FRK: variants seen among roughly 807,000 people sequenced by gnomAD.
The protein encoded by FRK is fyn related Src family tyrosine kinase, also known as tyrosine-protein kinase FRK.
A neutral mutation model predicts 56.4 loss-of-function variants in FRK; 51 were observed. The ratio of observed to expected loss-of-function variants is 0.90; its 90% CI spans 0.72 to 1.14. FRK has a LOEUF of 1.14. Among genes scored for constraint, FRK ranks in the 50% most tolerant of loss-of-function variants. FRK has a pLI of 0.00. For missense variants in FRK, 570 were observed against 601.4 expected, an observed-to-expected ratio of 0.95 and a Z score of 0.55; for synonymous variants, 245 against 217.9, an observed-to-expected ratio of 1.12 and a Z score of -1.10.
At chr6:116,077,397 T>C in the FRK span, among the ~76,000 whole-genome samples, 2 of 152,188 alleles carry the variant, frequency 1.3e-5, no homozygotes, top group African/African-American at 4.8e-5. Flanking sequence ...GGGTTGCTTT[T>C]CCTTTCACAA....
At chr6:115,949,664 T>C (rs762693886) in intron 5 of FRK, among the ~76,000 whole-genome samples, 4 of 152,156 alleles carry the variant, frequency 2.6e-5, no homozygotes, top group Non-Finnish European at 4.4e-5. Context: ...ACTTTCTTCA[T>C]GATTCAGAAA....
At chr6:116,080,141 A>C in the FRK span, among the ~76,000 whole-genome samples, 1 of 152,128 alleles carries the variant, frequency 6.6e-6, no homozygotes, top group African/African-American at 2.4e-5. Context: ...AAATGTTTTT[A>C]AAATCTAGGT....
chr6:115,971,319 C>A (rs1348443428), intron 2 of FRK, among the ~76,000 whole-genome samples: 1 of 152,128 alleles, frequency 6.6e-6, no homozygotes, highest in African/African-American at 2.4e-5. Context: ...TTCTAGTAAG[C>A]ACTGTGAGAA....
At chr6:116,046,337 T>C (rs1246040882) in intron 1 of FRK, among the ~76,000 whole-genome samples, 1 of 152,186 alleles carries the variant, frequency 6.6e-6, no homozygotes, top group African/African-American at 2.4e-5. Context: ...CACACATATG[T>C]TTATTGCAGC....
At chr6:116,065,268 A>G (rs1347608887), upstream of FRK, among the ~76,000 whole-genome samples, 1 of 152,222 alleles carries the variant, frequency 6.6e-6, no homozygotes, top group Non-Finnish European at 1.5e-5. Context: ...AGGCCTCAGC[A>G]CTAGGGCTTA....
the FRK span, among the ~76,000 whole-genome samples, chr6:116,087,390 T>C: frequency 2.1e-4 from 32 of 152,378 alleles, no homozygotes; most frequent in African/African-American, 7.5e-4. Flanking sequence ...ATATTTATGC[T>C]ACAATATTGA....
intron 2 of FRK, among the ~76,000 whole-genome samples, chr6:115,975,546 T>C (rs1382429422): frequency 2.0e-5 from 3 of 152,172 alleles, no homozygotes. Flanking sequence ...CAGAGAGAAA[T>C]GAATTTTCTA....
At chr6:116,016,325 G>C (rs1484145998) in intron 1 of FRK, among the ~76,000 whole-genome samples, 3 of 152,120 alleles carry the variant, frequency 2.0e-5, no homozygotes, top group African/African-American at 4.8e-5. Context: ...TTAATCTACT[G>C]TTCCTTATTT....
At chr6:116,043,538 A>T (rs1776810521) in intron 1 of FRK, among the ~76,000 whole-genome samples, 2 of 152,216 alleles carry the variant, frequency 1.3e-5, no homozygotes, top group South Asian at 4.1e-4. Context: ...TTTGAAACCA[A>T]CGAGAACAAA....
the FRK span, among the ~76,000 whole-genome samples, chr6:116,099,534 G>C: frequency 1.3e-5 from 2 of 152,176 alleles, no homozygotes; most frequent in Non-Finnish European, 2.9e-5. Flanking sequence ...TTGAAAACAT[G>C]ATTGTTGGAC....
intron 1 of FRK, among the ~76,000 whole-genome samples, chr6:116,046,098 A>G (rs1287826921): frequency 6.6e-6 from 1 of 152,216 alleles, no homozygotes; most frequent in East Asian, 1.9e-4. Flanking sequence ...ATGAGATACC[A>G]TCTCATGTCA....
rs555370914 is a variant in FRK at position 115,958,769 on chromosome 6, G to A, written c.800-2159C>T. 3.4e-3 allele frequency among the ~76,000 whole-genome samples: 121 copies of A among 35,180 alleles called. 5 individuals are homozygous for A. The highest frequency in any genetic ancestry group is 0.01 in the African/African-American group (105 of 10,468). 23.1% of individuals were successfully genotyped at this position (35,180 alleles called of 152,430 possible). ...AAAGAAAGAAAGAAAGAAAGAAAGAGGGGGGGGAAGGAGAGAGAGAAAGAA... is the reference window on the plus strand; with the variant it reads ...AAAGAAAGAAAGAAAGAAAGAAAGAAGGGGGGGAAGGAGAGAGAGAAAGAA... On this transcript the variant is annotated intron_variant, in intron 4 of 7. Transcript: ENST00000606080.
chr6:116,030,170 T>C (rs1455574826), intron 1 of FRK, among the ~76,000 whole-genome samples: 2 of 152,086 alleles, frequency 1.3e-5, no homozygotes, highest in Non-Finnish European at 2.9e-5. Flanking sequence ...GAGATTATAA[T>C]GAGCCAGCCA....
At chr6:115,984,446 T>C (rs139968958) in intron 2 of FRK, among the ~76,000 whole-genome samples, 1 of 152,002 alleles carries the variant, frequency 6.6e-6, no homozygotes, top group Non-Finnish European at 1.5e-5. Context: ...TTAAACAGTC[T>C]GTTCAAGACC....
chr6:116,092,729 A>C, the FRK span, among the ~76,000 whole-genome samples: 2 of 152,172 alleles, frequency 1.3e-5, no homozygotes, highest in African/African-American at 4.8e-5. Context: ...CGGTGAGTGC[A>C]ACTATTCCGA....
chr6:116,096,309 G>T, the FRK span, among the ~76,000 whole-genome samples: 3 of 152,336 alleles, frequency 2.0e-5, no homozygotes, highest in East Asian at 5.8e-4. Context: ...GTTTAGAGGA[G>T]AGATTGAGAG....
At chr6:116,039,243 C>T (rs1776619038) in intron 1 of FRK, 6 of 1,490,164 alleles carry the variant, frequency 4.0e-6, no homozygotes, top group African/African-American at 1.4e-5. Flanking sequence ...TCCTGGCCTG[C>T]GAGCCTGTGT....
intron 4 of FRK, among the ~76,000 whole-genome samples, chr6:115,958,685 AAAG>A (rs1773142832): frequency 4.6e-4 from 2 of 4,302 alleles, no homozygotes; most frequent in Non-Finnish European, 9.6e-4. Context: ...AGAAAGAAAG[AAAG>A]AAAGAAAGAA....
chr6:115,994,149 A>G (rs1442042213), intron 2 of FRK, among the ~76,000 whole-genome samples: 2 of 151,978 alleles, frequency 1.3e-5, no homozygotes, highest in East Asian at 3.9e-4. Flanking sequence ...CTTATCAGAG[A>G]CTTTAGTATG....
Sources: allele counts gnomAD v4.1 joint callset (sites outside exome capture counted in the v4.1 genomes callset), GRCh38; gene constraint gnomAD v4.1.1; transcripts MANE v1.5; gene names NCBI Gene and HGNC (gene_info 2026-07-23, HGNC 2026-07-21).